The following DLGAP2 variants were observed in gnomAD, a reference collection of about 807,000 sequenced individuals.
The protein encoded by DLGAP2 is disks large-associated protein 2.
In DLGAP2, 26 loss-of-function variants were observed where a neutral mutation model predicts 100.3. The ratio of observed to expected loss-of-function variants is 0.26; its 90% CI spans 0.19 to 0.36. The LOEUF (loss-of-function observed/expected upper bound fraction) is 0.36, where lower values mean the gene tolerates loss of function less well. Ranked by LOEUF, DLGAP2 falls within the 10% of genes least tolerant of loss-of-function variation. The pLI is 1.00. For missense variants in DLGAP2, 1,858 were observed against 1,453.2 expected (o/e 1.28, Z -4.53); for synonymous variants, 886 against 630.1 (o/e 1.41, Z -6.08).
intron 3 of DLGAP2, among the ~76,000 whole-genome samples, chr8:1,283,327 C>T (rs1005671288): frequency 6.6e-6 from 1 of 152,258 alleles, no homozygotes; most frequent in Non-Finnish European, 1.5e-5. Flanking sequence ...GTGGTGTGAT[C>T]TGAACCCAGC....
At chr8:1,085,825 A>G (rs1803957331) in intron 2 of DLGAP2, among the ~76,000 whole-genome samples, 2 of 152,226 alleles carry the variant, frequency 1.3e-5, no homozygotes, top group Admixed American at 6.5e-5. Flanking sequence ...GTGTTTTAAT[A>G]GTGCTTGTAC....
At chr8:823,591 C>A (rs1796628939) in intron 1 of DLGAP2, among the ~76,000 whole-genome samples, 1 of 152,130 alleles carries the variant, frequency 6.6e-6, no homozygotes, top group South Asian at 2.1e-4. Context: ...CAGGAGACCC[C>A]CAAGAGCTCT....
At chr8:969,717 G>T (rs1799967964) in intron 2 of DLGAP2, among the ~76,000 whole-genome samples, 1 of 152,142 alleles carries the variant, frequency 6.6e-6, no homozygotes. Context: ...TCAGCTCCCT[G>T]TTCAGTGATG....
intron 3 of DLGAP2, among the ~76,000 whole-genome samples, chr8:1,437,082 G>GCC (rs1797658482): frequency 6.8e-6 from 1 of 146,890 alleles, no homozygotes; most frequent in Admixed American, 6.8e-5. Flanking sequence ...CAGCCCAGGC[G>GCC]CGTAGGGGTG....
intron 1 of DLGAP2, among the ~76,000 whole-genome samples, chr8:790,780 C>T (rs940306131): frequency 2.0e-5 from 3 of 152,052 alleles, no homozygotes; most frequent in Admixed American, 1.3e-4. Context: ...GGGTTTCTTT[C>T]TGTTGCCCAG....
chr8:1,548,098 A>G (rs2130511368), intron 4 of DLGAP2, among the ~76,000 whole-genome samples: 1 of 152,314 alleles, frequency 6.6e-6, no homozygotes, highest in South Asian at 2.1e-4. Context: ...ACTAGATGCT[A>G]AATCTTGGTC....
Position 1,107,188 on chromosome 8 carries a change from G to T in DLGAP2, c.74-151663G>T, listed in dbSNP as rs910992361. Among the ~76,000 whole-genome samples the T allele has an allele frequency of 2.0e-5, 3 of 152,202 alleles. No individual in the cohort carries two copies. The South Asian group carries it at 6.2e-4, about 31-fold the overall frequency. On this transcript the variant is annotated intron_variant, in intron 2 of 14. Coordinates refer to ENST00000637795, the MANE Select transcript of DLGAP2 (RefSeq NM_001346810.2). ...AAGTGGAGAGAGCAGAGGCTTTGCA[G>T]TGCACTGGTTCTGTGACTTTGCTCC...
intron 1 of DLGAP2, among the ~76,000 whole-genome samples, chr8:788,941 C>T (rs979069211): frequency 2.6e-5 from 4 of 152,186 alleles, no homozygotes; most frequent in Non-Finnish European, 5.9e-5. Context: ...TTCCTGTGCC[C>T]TCAACCGTCA....
intron 3 of DLGAP2, among the ~76,000 whole-genome samples, chr8:1,497,151 T>C (rs186261768): frequency 3.7e-4 from 57 of 152,230 alleles, no homozygotes; most frequent in African/African-American, 1.3e-3. Context: ...TGAAAGACTG[T>C]TTCTCCAGTG....
intron 3 of DLGAP2, among the ~76,000 whole-genome samples, chr8:1,456,974 C>T (rs1315485766): frequency 2.6e-5 from 4 of 152,224 alleles, no homozygotes; most frequent in African/African-American, 9.6e-5. Flanking sequence ...AGCGCTGGCG[C>T]CCAGGCCTGC....
chr8:1,017,565 G>A (rs57444586), intron 2 of DLGAP2, among the ~76,000 whole-genome samples: 6,303 of 75,264 alleles, frequency 0.084, 497 homozygotes, highest in Non-Finnish European at 0.095. Context: ...CACTGTGTGT[G>A]TGACCAGGAC....
intron 1 of DLGAP2, chr8:738,234 G>C (rs961478444): frequency 1.3e-5 from 2 of 157,164 alleles, no homozygotes; most frequent in Non-Finnish European, 2.8e-5. Context: ...GAGTGGGGGC[G>C]GCGGGCAGCA....
At chr8:1,664,410 T>C (rs1351513195) in intron 8 of DLGAP2, among the ~76,000 whole-genome samples, 1 of 152,180 alleles carries the variant, frequency 6.6e-6, no homozygotes, top group Non-Finnish European at 1.5e-5. Context: ...AGTCTCTCTC[T>C]GGGCATCCCT....
Position 1,099,073 on chromosome 8 carries a change from A to C in DLGAP2, c.74-159778A>C, listed in dbSNP as rs572350360. Reference sequence around the variant, plus strand: ...GAAAATACTGTTCTTACAGCATTTCAAAGAGATTCTTTGAAGGCAAAAACT... The same window carrying C: ...GAAAATACTGTTCTTACAGCATTTCCAAGAGATTCTTTGAAGGCAAAAACT... On this transcript the variant is annotated intron_variant, in intron 2 of 14. Transcript: ENST00000637795. 9.2e-5 allele frequency among the ~76,000 whole-genome samples: 14 copies of C among 152,274 alleles called. No homozygotes were observed. In the South Asian group the frequency reaches 2.9e-3, roughly 32 times the overall value.
chr8:1,130,014 G>A (rs1009556900), intron 2 of DLGAP2, among the ~76,000 whole-genome samples: 6 of 152,202 alleles, frequency 3.9e-5, no homozygotes, highest in South Asian at 4.1e-4. Flanking sequence ...GATCCTGCGC[G>A]TGTAGCTCAC....
At chr8:974,469 A>G (rs1214251558) in intron 2 of DLGAP2, among the ~76,000 whole-genome samples, 2 of 152,216 alleles carry the variant, frequency 1.3e-5, no homozygotes, top group African/African-American at 4.8e-5. Flanking sequence ...CTTATATGGA[A>G]TATTCATCAA....
At chr8:924,257 C>T (rs1798769721) in intron 2 of DLGAP2, among the ~76,000 whole-genome samples, 1 of 152,168 alleles carries the variant, frequency 6.6e-6, no homozygotes, top group Admixed American at 6.5e-5. Context: ...AGATACTGGC[C>T]CTTCCTAGGT....
chr8:845,012 T>C (rs1797048085), intron 1 of DLGAP2, among the ~76,000 whole-genome samples: 1 of 152,262 alleles, frequency 6.6e-6, no homozygotes, highest in African/African-American at 2.4e-5. Flanking sequence ...ATTTTCTTTT[T>C]ATTGCTGAAT....
intron 3 of DLGAP2, among the ~76,000 whole-genome samples, chr8:1,492,559 C>A (rs899998149): frequency 3.3e-5 from 5 of 152,232 alleles, no homozygotes; most frequent in Non-Finnish European, 7.3e-5. Flanking sequence ...GCGCTTCGCT[C>A]CGCAAACATT....
Sources: gnomAD v4.1 joint callset for allele counts (sites outside exome capture counted in the v4.1 genomes callset) on GRCh38, gnomAD v4.1.1 for gene constraint, MANE v1.5 for transcripts, NCBI Gene and HGNC (gene_info 2026-07-23, HGNC 2026-07-21) for gene names.